Variants in CHRNA3 observed in about 807,000 individuals in gnomAD.
CHRNA3 encodes cholinergic receptor nicotinic alpha 3 subunit, also known as neuronal acetylcholine receptor subunit alpha-3.
A neutral mutation model predicts 41.9 loss-of-function variants in CHRNA3; 34 were observed. The ratio of observed to expected loss-of-function variants is 0.81; its 90% CI spans 0.62 to 1.08. CHRNA3 has a LOEUF of 1.08. Among genes scored for constraint, CHRNA3 ranks in the 50% least tolerant of loss-of-function variants. The pLI is 0.00. For missense variants in CHRNA3, 542 were observed against 638.3 expected (o/e 0.85, Z 1.63); for synonymous variants, 281 against 265.2 (o/e 1.06, Z -0.58).
downstream of CHRNA3, chr15:78,593,483 G>A: frequency 3.1e-6 from 1 of 324,266 alleles, no homozygotes; most frequent in Non-Finnish European, 5.5e-6. Flanking sequence ...AATATTATCT[G>A]AACTGGACTA....
At chr15:78,605,582 A>G (rs1311360037) in intron 4 of CHRNA3, among the ~76,000 whole-genome samples, 1 of 152,216 alleles carries the variant, frequency 6.6e-6, no homozygotes, top group Non-Finnish European at 1.5e-5. Context: ...ACAGGTTCCA[A>G]TTTGTGGGCA....
At chr15:78,618,968 C>A in intron 1 of CHRNA3, 53 bp from the exon 2 acceptor site, 2 of 1,592,348 alleles carry the variant, frequency 1.3e-6, no homozygotes, top group South Asian at 1.1e-5. Flanking sequence ...TAACCTCCCC[C>A]ACCCAGCCCA....
chr15:78,620,933 C>T lies in CHRNA3; in HGVS notation c.-139G>A, dbSNP rs1469038634. On this transcript the variant is annotated 5_prime_UTR_variant, in exon 1 of 6. Coordinates refer to ENST00000326828, the MANE Select transcript of CHRNA3 (RefSeq NM_000743.5). Reference sequence around the variant, plus strand: ...GGCGGAGACGCGCGGGGCTCCTCTCCGCTTCGCCGCCGCTGGGTTTCCAGC... The same window carrying T: ...GGCGGAGACGCGCGGGGCTCCTCTCTGCTTCGCCGCCGCTGGGTTTCCAGC... 1.8e-6 allele frequency: 2 copies of T among 1,127,568 alleles called. No homozygotes were observed. Among genetic ancestry groups the T allele is most frequent in the Admixed American group, 4.5e-5 (1 of 22,464 alleles). 69.8% of individuals were successfully genotyped at this position (1,127,568 alleles called of 1,614,324 possible). A position where few individuals can be genotyped will look rare whatever the true frequency, so the allele number is the denominator to read the frequency against.
At chr15:78,593,583 G>C (rs2053046949), downstream of CHRNA3, 1 of 170,162 alleles carries the variant, frequency 5.9e-6, no homozygotes, top group Non-Finnish European at 1.2e-5. Flanking sequence ...GAGAATTCCA[G>C]TTGTATTTGA....
intron 5 of CHRNA3, among the ~76,000 whole-genome samples, chr15:78,598,175 G>A (rs1242533690): frequency 6.6e-6 from 1 of 152,110 alleles, no homozygotes; most frequent in Non-Finnish European, 1.5e-5. Context: ...TTCCATGACC[G>A]CTCTTAGCCT....
rs1024484897 is a variant in CHRNA3 at position 78,596,312 on chromosome 15, A to C, written c.*292T>G. ...ATCCAGTTTTGTTTCAACAACTAAA[A>C]GGAAACATTTTTACATGTATATTCC... On this transcript the variant is annotated 3_prime_UTR_variant, in exon 6 of 6. Transcript: ENST00000326828. 2.9e-6 allele frequency: 3 copies of C among 1,025,926 alleles called. No homozygotes were observed. The highest frequency in any genetic ancestry group is 4.8e-4 in the Middle Eastern group (1 of 2,078). The allele number at this position is 1,025,926 out of a possible 1,614,324, so 63.6% of individuals were successfully genotyped here.
intron 4 of CHRNA3, chr15:78,607,429 G>C (rs2053308407): frequency 6.6e-6 from 1 of 151,908 alleles, no homozygotes; most frequent in South Asian, 2.1e-4. Flanking sequence ...GGCTGGGAAT[G>C]ATGGCTCACA....
At position 78,618,357 on chromosome 15, in the gene CHRNA3, A is replaced by G; in HGVS notation, c.267+260T>C. On this transcript the variant is annotated intron_variant, in intron 3 of 5. Transcript: ENST00000326828. ...AGGTTCGTACTCTTCTGTTGTGTGA[A>G]CATGGAGAATGTCTTTCTCCAGGCT... 5.8e-6 allele frequency: 3 copies of G among 519,010 alleles called. No homozygotes were observed. In the East Asian group the frequency reaches 1.0e-4, roughly 17 times the overall value. 32.2% of individuals were successfully genotyped at this position (519,010 alleles called of 1,614,324 possible). A position where few individuals can be genotyped will look rare whatever the true frequency, so the allele number is the denominator to read the frequency against.
Position 78,606,333 on chromosome 15 carries a change from CAAA to C in CHRNA3, c.378-4072_378-4070del, listed in dbSNP as rs56305942. The stretch of plus-strand genomic sequence containing the variant: ...AAGAGCAAAAAAACAGAAGATGTCT[CAAA>C]AAAAAAAAAAAAAATACAAACACAA... On this transcript the variant is annotated intron_variant, in intron 4 of 5. Coordinates refer to ENST00000326828, the MANE Select transcript of CHRNA3 (RefSeq NM_000743.5). Among the ~76,000 whole-genome samples the C allele has an allele frequency of 6.2e-4, 79 of 127,386 alleles. 1 individual carries two copies. The highest frequency in any genetic ancestry group is 3.0e-3 in the Admixed American group (37 of 12,392). 83.6% of individuals were successfully genotyped at this position (127,386 alleles called of 152,430 possible). A position where few individuals can be genotyped will look rare whatever the true frequency, so the allele number is the denominator to read the frequency against.
intron 5 of CHRNA3, among the ~76,000 whole-genome samples, chr15:78,599,181 T>G (rs987176476): frequency 1.3e-5 from 2 of 152,124 alleles, no homozygotes; most frequent in Non-Finnish European, 2.9e-5. Context: ...TTTCCCTACG[T>G]GGCCCAGGAT....
In CHRNA3 at chr15:78,602,168, G is replaced by A; in HGVS notation, c.474C>T (p.Ser158=). The A allele has an allele frequency of 1.2e-6, 2 of 1,614,138 alleles. No individual in the cohort carries two copies. Among genetic ancestry groups the A allele is most frequent in the Non-Finnish European group, 1.7e-6 (2 of 1,180,026 alleles). Reference sequence around the variant, plus strand: ...GGAAGTAGGTCACGTCGATTTTACAGGAGCTCTTAAAGATGGCCGGAGGTA... The same window carrying A: ...GGAAGTAGGTCACGTCGATTTTACAAGAGCTCTTAAAGATGGCCGGAGGTA... The part of the protein sequence containing the change: ...TWIPPAIFKS[S]CKIDVTYFPF... The change falls in exon 5 of 6, where the codon TCC becomes TCT. Residue 158 remains serine, a synonymous_variant. Transcript: ENST00000326828.
intron 3 of CHRNA3, 61 bp from the exon 4 acceptor site, chr15:78,617,194 C>G (rs1270253688): frequency 8.8e-7 from 1 of 1,138,514 alleles, no homozygotes; most frequent in Non-Finnish European, 1.3e-6. Flanking sequence ...GGTTTTACTT[C>G]CCGTGGCACC....
chr15:78,605,232 G>T (rs116102513), intron 4 of CHRNA3, among the ~76,000 whole-genome samples: 1,906 of 152,246 alleles, frequency 0.013, 35 homozygotes, highest in African/African-American at 0.042. Flanking sequence ...GATGGCATGG[G>T]TTTTTAAAAT....
intron 4 of CHRNA3, among the ~76,000 whole-genome samples, chr15:78,608,307 AC>A (rs2053329556): frequency 6.6e-6 from 1 of 152,060 alleles, no homozygotes; most frequent in Admixed American, 6.6e-5. Context: ...ACTGGGAGAC[AC>A]CCCCCAAGTA....
At chr15:78,607,880 C>T (rs2053319097) in intron 4 of CHRNA3, among the ~76,000 whole-genome samples, 1 of 152,198 alleles carries the variant, frequency 6.6e-6, no homozygotes, top group African/African-American at 2.4e-5. Context: ...TAATACTGCA[C>T]TTTTCCAACG....
chr15:78,612,635 A>T lies in CHRNA3; in HGVS notation c.377+4389T>A, dbSNP rs563381279. ...AAAACCCTCGAAGAAAACCTAGGCA[A>T]TACCATTCAGGACATAGGCATGGGC... On this transcript the variant is annotated intron_variant, in intron 4 of 5. Transcript: ENST00000326828. Among the ~76,000 whole-genome samples the T allele has an allele frequency of 8.9e-4, 107 of 120,474 alleles. 8 individuals are homozygous for T. The East Asian group carries it at 0.021, about 23-fold the overall frequency. The allele number at this position is 120,474 out of a possible 152,430, so 79.0% of individuals were successfully genotyped here.
chr15:78,598,398 C>CTTTT lies in CHRNA3; in HGVS notation c.1390-1670_1390-1667dup, dbSNP rs200918569. Among the ~76,000 whole-genome samples, 58 of 144,710 alleles carry CTTTT rather than the reference C, an allele frequency of 4.0e-4. 1 individual carries two copies. Among genetic ancestry groups the CTTTT allele is most frequent in the Admixed American group, 2.4e-3 (35 of 14,420 alleles). 94.9% of individuals were successfully genotyped at this position (144,710 alleles called of 152,430 possible). On this transcript the variant is annotated intron_variant, in intron 5 of 5. Transcript: ENST00000326828. ...AGCTGGCTGGACAGAAATTTTATAT[C>CTTTT]TTTTTTTTTTTTTTGAGACAGGGTC... is the stretch of plus-strand genomic sequence containing the variant.
At position 78,617,020 on chromosome 15, in the gene CHRNA3, T is replaced by G. The variant is rs1294126271; in HGVS notation, c.377+4A>C. ...GAGAGGGCGTGGGCCCCCCAGCACC[T>G]TACTTGTTATACAGCACAATGTCTG... On this transcript the variant is annotated splice_donor_region_variant and intron_variant, in intron 4 of 5. Transcript: ENST00000326828. 1.2e-6 allele frequency: 2 copies of G among 1,609,222 alleles called. No homozygotes were observed. Among genetic ancestry groups the G allele is most frequent in the Non-Finnish European group, 1.7e-6 (2 of 1,176,816 alleles).
At position 78,596,301 on chromosome 15, in the gene CHRNA3, C is replaced by T. The variant is rs71581742; in HGVS notation, c.*303G>A. On this transcript the variant is annotated 3_prime_UTR_variant, in exon 6 of 6. Transcript: ENST00000326828. ...AGCATTTTTCTATCCAGTTTTGTTT[C>T]AACAACTAAAAGGAAACATTTTTAC... 61 of 1,013,198 alleles carry T rather than the reference C, an allele frequency of 6.0e-5. No individual in the cohort carries two copies. The highest frequency in any genetic ancestry group is 7.0e-5 in the Non-Finnish European group (59 of 848,606). 62.8% of individuals were successfully genotyped at this position (1,013,198 alleles called of 1,614,324 possible). A position where few individuals can be genotyped will look rare whatever the true frequency, so the allele number is the denominator to read the frequency against.
Sources: allele counts gnomAD v4.1 joint callset (sites outside exome capture counted in the v4.1 genomes callset), GRCh38; gene constraint gnomAD v4.1.1; transcripts MANE v1.5; gene names NCBI Gene and HGNC (gene_info 2026-07-23, HGNC 2026-07-21).